PRPSAP1: variants seen among roughly 807,000 people sequenced by gnomAD.
The protein encoded by PRPSAP1 is phosphoribosyl pyrophosphate synthase-associated protein 1.
PRPSAP1 carries 31 observed loss-of-function variants against 39.4 expected under a neutral mutation model. The observed-to-expected ratio is 0.79, with a 90% CI of 0.59 to 1.06. PRPSAP1 has a LOEUF of 1.06. Among genes scored for constraint, PRPSAP1 ranks in the 50% least tolerant of loss-of-function variants. The pLI is 0.00. For missense variants in PRPSAP1, 430 were observed against 511.6 expected, an observed-to-expected ratio of 0.84 and a Z score of 1.54; for synonymous variants, 212 against 192.6, an observed-to-expected ratio of 1.10 and a Z score of -0.83.
At chr17:76,322,611 C>T (rs941028411) in intron 7 of PRPSAP1, among the ~76,000 whole-genome samples, 3 of 152,086 alleles carry the variant, frequency 2.0e-5, no homozygotes, top group African/African-American at 2.4e-5. Flanking sequence ...CAGGCTGAGG[C>T]GGGAGGATTA....
intron 8 of PRPSAP1, chr17:76,313,527 C>T (rs1031456131): frequency 1.3e-5 from 5 of 370,922 alleles, no homozygotes; most frequent in South Asian, 5.0e-5. Context: ...TCGGCCCTAA[C>T]GCTCAAGCAT....
intron 7 of PRPSAP1, among the ~76,000 whole-genome samples, chr17:76,318,516 T>A (rs868366388): frequency 3.3e-5 from 5 of 152,184 alleles, no homozygotes; most frequent in African/African-American, 1.2e-4. Flanking sequence ...GAGTCCAAGG[T>A]TGAATATTTA....
intron 3 of PRPSAP1, among the ~76,000 whole-genome samples, chr17:76,335,183 A>G (rs755712491): frequency 1.3e-5 from 2 of 152,092 alleles, no homozygotes; most frequent in Non-Finnish European, 2.9e-5. Context: ...TCCTGGGTTC[A>G]TGCAATCTTC....
chr17:76,320,277 G>C (rs1174110446), intron 7 of PRPSAP1, among the ~76,000 whole-genome samples: 1 of 22,224 alleles, frequency 4.5e-5, no homozygotes, highest in East Asian at 8.3e-4. Context: ...AAGAAAGAAA[G>C]AAAGAAAAGA....
At chr17:76,351,125 C>G (rs1023161537) in intron 1 of PRPSAP1, among the ~76,000 whole-genome samples, 8 of 152,192 alleles carry the variant, frequency 5.3e-5, no homozygotes, top group Non-Finnish European at 7.3e-5. Flanking sequence ...GGGCCGGGCG[C>G]AGTAGCTCAC....
intron 7 of PRPSAP1, among the ~76,000 whole-genome samples, chr17:76,315,871 C>T (rs1389108529): frequency 1.3e-5 from 2 of 151,604 alleles, no homozygotes; most frequent in Admixed American, 6.6e-5. Context: ...CGTGCCACCA[C>T]ATCTGGCTAA....
Position 76,344,752 on chromosome 17 carries a change from T to C in PRPSAP1, c.224-15A>G, listed in dbSNP as rs1407775865. 3 of 1,530,640 alleles carry C rather than the reference T, an allele frequency of 2.0e-6. No homozygotes were observed. The highest frequency in any genetic ancestry group is 4.5e-5 in the East Asian group (2 of 44,492). 94.8% of individuals were successfully genotyped at this position (1,530,640 alleles called of 1,614,324 possible). A position where few individuals can be genotyped will look rare whatever the true frequency, so the allele number is the denominator to read the frequency against. On this transcript the variant is annotated splice_polypyrimidine_tract_variant and intron_variant, in intron 2 of 9. Transcript: ENST00000446526. ...AACTCTTGTTTCTGAAAAATAAAAA[T>C]GTTCTGAAGTTTTAAGAAAAGCTCC...
At chr17:76,325,812 TAGTC>T (rs1044279132) in intron 7 of PRPSAP1, among the ~76,000 whole-genome samples, 25 of 151,986 alleles carry the variant, frequency 1.6e-4, no homozygotes, top group African/African-American at 2.9e-4. Context: ...TTCACAGTGT[TAGTC>T]AGGACGGTCT....
At chr17:76,321,366 C>T (rs2071196428) in intron 7 of PRPSAP1, among the ~76,000 whole-genome samples, 1 of 151,922 alleles carries the variant, frequency 6.6e-6, no homozygotes, top group South Asian at 2.1e-4. Context: ...ACCAGCCTGA[C>T]CAACATGGTG....
At chr17:76,340,273 A>C (rs901210607) in intron 3 of PRPSAP1, among the ~76,000 whole-genome samples, 1 of 151,800 alleles carries the variant, frequency 6.6e-6, no homozygotes, top group Non-Finnish European at 1.5e-5. Flanking sequence ...GGCATGAGCC[A>C]CCACACCTGA....
At chr17:76,340,836 G>A (rs1273947331) in intron 3 of PRPSAP1, among the ~76,000 whole-genome samples, 3 of 151,266 alleles carry the variant, frequency 2.0e-5, no homozygotes, top group Admixed American at 2.0e-4. Flanking sequence ...GTTGTGGTGG[G>A]GTTTGCAGTG....
In PRPSAP1 at chr17:76,339,191, G is replaced by A. The variant is rs113467837; in HGVS notation, c.290+5480C>T. On this transcript the variant is annotated intron_variant, in intron 3 of 9. Coordinates refer to ENST00000446526, the MANE Select transcript of PRPSAP1 (RefSeq NM_002766.3). Reference sequence around the variant, plus strand: ...AGGCCAAGGCGGGTGGATCACCTGAGGTCAGGAGTTTGAGACCATTCTGGT... The same window carrying A: ...AGGCCAAGGCGGGTGGATCACCTGAAGTCAGGAGTTTGAGACCATTCTGGT... Among the ~76,000 whole-genome samples the A allele has an allele frequency of 6.9e-3, 1,042 of 152,046 alleles. 28 individuals carry two copies. The highest frequency in any genetic ancestry group is 0.024 in the African/African-American group (978 of 41,370).
chr17:76,311,385 ACT>A lies in PRPSAP1; in HGVS notation c.*155_*156del. The A allele has an allele frequency of 1.4e-6, 1 of 731,612 alleles. No individual in the cohort carries two copies. Among genetic ancestry groups the A allele is most frequent in the Non-Finnish European group, 2.1e-6 (1 of 474,106 alleles). The allele number at this position is 731,612 out of a possible 1,614,324, so 45.3% of individuals were successfully genotyped here. On this transcript the variant is annotated 3_prime_UTR_variant, in exon 10 of 10. Coordinates refer to ENST00000446526, the MANE Select transcript of PRPSAP1 (RefSeq NM_002766.3). ...ATCCATTAGCTCTGTCTTCTTCCTG[ACT>A]CTTTTAATCCCTCCTCCCCATCAAT...
At chr17:76,332,892 A>ATTT (rs1386737477) in intron 3 of PRPSAP1, among the ~76,000 whole-genome samples, 1 of 139,208 alleles carries the variant, frequency 7.2e-6, no homozygotes, top group Admixed American at 7.3e-5. Context: ...TTGGAATATA[A>ATTT]TTTTTTTTTT....
chr17:76,330,562 T>C lies in PRPSAP1; in HGVS notation c.568A>G (p.Ile190Val), dbSNP rs2071310953. ...LRASPFLLQY[I>V]QEEIPNYRNA... ...TGGTGGTTCCTCACTTCTTCCTGGA[T>C]ATACTGAAGCAGGAAAGGTGAGGCT... Residue 190 changes from isoleucine to valine, a missense_variant, in exon 5 of 10, where the codon ATC (isoleucine) becomes GTC (valine). Physicochemically the swap from Ile to Val is conservative, Grantham distance 29. Coordinates refer to ENST00000446526, the MANE Select transcript of PRPSAP1 (RefSeq NM_002766.3). The C allele has an allele frequency of 6.2e-7, 1 of 1,602,112 alleles. No individual in the cohort carries two copies. The highest frequency in any genetic ancestry group is 1.3e-5 in the African/African-American group (1 of 74,626).
chr17:76,353,930 C>A, upstream of PRPSAP1: 1 of 1,322,022 alleles, frequency 7.6e-7, no homozygotes. Flanking sequence ...GCCACCGCCC[C>A]CTCCGGGCAT....
chr17:76,342,649 T>TC (rs999038134), intron 3 of PRPSAP1, among the ~76,000 whole-genome samples: 1 of 150,866 alleles, frequency 6.6e-6, no homozygotes, highest in African/African-American at 2.4e-5. Flanking sequence ...GTTCAGGAGC[T>TC]TAAGGCTGCA....
intron 3 of PRPSAP1, among the ~76,000 whole-genome samples, chr17:76,341,244 T>TG (rs2071434872): frequency 6.7e-6 from 1 of 149,332 alleles, no homozygotes; most frequent in African/African-American, 2.5e-5. Flanking sequence ...GTTTTTTTTT[T>TG]TTTTTTTTTT....
At chr17:76,347,504 AAAAAAAAAG>A (rs2071520921) in intron 2 of PRPSAP1, among the ~76,000 whole-genome samples, 1 of 149,536 alleles carries the variant, frequency 6.7e-6, no homozygotes, top group Non-Finnish European at 1.5e-5. Flanking sequence ...AAAAAAAAAA[AAAAAAAAAG>A]AAAGCAGACA....
Sources: gnomAD v4.1 joint callset for allele counts (sites outside exome capture counted in the v4.1 genomes callset) on GRCh38, gnomAD v4.1.1 for gene constraint, MANE v1.5 for transcripts, NCBI Gene and HGNC (gene_info 2026-07-23, HGNC 2026-07-21) for gene names.